The following KIAA1671 variants were observed in gnomAD, a reference collection of about 807,000 sequenced individuals.
KIAA1671 encodes KIAA1671.
Under a neutral mutation model 131.2 loss-of-function variants are expected in KIAA1671, and 52 were observed. The ratio of observed to expected loss-of-function variants is 0.40; its 90% CI spans 0.32 to 0.50. The LOEUF is 0.50. KIAA1671 is among the 20% of genes least tolerant of loss of function. The probability of loss-of-function intolerance (pLI) is 0.73; values close to 1 mark genes in which losing one functional copy is unlikely to be tolerated. For missense variants in KIAA1671, 2,360 were observed against 2,364.2 expected (o/e 1.00, Z 0.04); for synonymous variants, 1,003 against 961.6 (o/e 1.04, Z -0.80).
intron 1 of KIAA1671, among the ~76,000 whole-genome samples, chr22:24,973,334 C>T (rs1006125427): frequency 9.2e-5 from 14 of 151,610 alleles, no homozygotes; most frequent in African/African-American, 3.4e-4. Context: ...TCCCCATGAC[C>T]CGCCCATTCC....
chr22:24,961,418 T>C (rs1472846308), intron 1 of KIAA1671, among the ~76,000 whole-genome samples: 1 of 152,234 alleles, frequency 6.6e-6, no homozygotes, highest in East Asian at 1.9e-4. Flanking sequence ...GTGATCATAC[T>C]GTGTAACAAA....
chr22:25,078,466 C>T (rs1168452433), intron 6 of KIAA1671, among the ~76,000 whole-genome samples: 1 of 152,196 alleles, frequency 6.6e-6, no homozygotes, highest in Non-Finnish European at 1.5e-5. Flanking sequence ...GAGTTCGAGG[C>T]TGCAGTAAGC....
At chr22:24,990,956 C>T (rs990619597) in intron 1 of KIAA1671, among the ~76,000 whole-genome samples, 4 of 152,154 alleles carry the variant, frequency 2.6e-5, no homozygotes, top group African/African-American at 9.7e-5. Context: ...CCACCCCTGG[C>T]CCAGGGCTGG....
In KIAA1671 at chr22:25,028,623, C is replaced by T; in HGVS notation, c.624C>T (p.Pro208=). 1 of 1,551,138 alleles carries T rather than the reference C, an allele frequency of 6.4e-7. No individual in the cohort carries two copies. Among genetic ancestry groups the T allele is most frequent in the Non-Finnish European group, 8.7e-7 (1 of 1,146,960 alleles). ...CTCAGGACACAAAACCACCTGTACCCCAAGAGGAGGCAGGCCAAGACCATC... is the reference window on the plus strand; with the variant it reads ...CTCAGGACACAAAACCACCTGTACCTCAAGAGGAGGCAGGCCAAGACCATC... ...PLSQDTKPPV[P]QEEAGQDHPP... is the part of the protein sequence containing the mutation. Residue 208 remains proline, a synonymous_variant, in exon 3 of 13, where the codon CCC becomes CCT. Transcript: ENST00000358431.
intron 1 of KIAA1671, among the ~76,000 whole-genome samples, chr22:24,973,389 G>GTTTTTTTTT (rs57519039): frequency 2.8e-5 from 2 of 71,690 alleles, no homozygotes; most frequent in East Asian, 8.3e-4. Flanking sequence ...GCATATGATG[G>GTTTTTTTTT]TTTTTTTTTT....
chr22:25,113,692 A>T (rs1197304449), intron 6 of KIAA1671, among the ~76,000 whole-genome samples: 5 of 152,206 alleles, frequency 3.3e-5, no homozygotes, highest in African/African-American at 9.6e-5. Flanking sequence ...TGGGCATGAC[A>T]CGTGTCTCGT....
chr22:25,082,719 AGCTACTCAAGAG>A (rs1320178007), intron 6 of KIAA1671, among the ~76,000 whole-genome samples: 2 of 152,050 alleles, frequency 1.3e-5, no homozygotes, highest in Non-Finnish European at 2.9e-5. Context: ...TTCAAGTCTC[AGCTACTCAAGAG>A]GCTAGGCAGG....
At chr22:25,046,366 T>G (rs959083440) in intron 5 of KIAA1671, among the ~76,000 whole-genome samples, 1 of 114,182 alleles carries the variant, frequency 8.8e-6, no homozygotes, top group Non-Finnish European at 1.9e-5. Context: ...TTTCTTGATT[T>G]ACAGCCCAAA....
At chr22:25,111,482 G>A (rs1473770235) in intron 6 of KIAA1671, among the ~76,000 whole-genome samples, 1 of 152,336 alleles carries the variant, frequency 6.6e-6, no homozygotes, top group East Asian at 1.9e-4. Flanking sequence ...TCGCTAAGAC[G>A]GGGGCTGATG....
intron 6 of KIAA1671, among the ~76,000 whole-genome samples, chr22:25,117,088 A>G (rs902658823): frequency 3.9e-5 from 6 of 152,160 alleles, no homozygotes; most frequent in Non-Finnish European, 7.4e-5. Context: ...GTGACAACCA[A>G]AAATATCCAG....
chr22:24,957,327 C>T (rs1484934795), intron 1 of KIAA1671, among the ~76,000 whole-genome samples: 1 of 152,152 alleles, frequency 6.6e-6, no homozygotes, highest in African/African-American at 2.4e-5. Context: ...AACTGCATGC[C>T]AACTGATATA....
intron 6 of KIAA1671, among the ~76,000 whole-genome samples, chr22:25,090,920 G>T (rs1422255014): frequency 6.6e-6 from 1 of 152,154 alleles, no homozygotes; most frequent in East Asian, 1.9e-4. Flanking sequence ...TGGACTGCAG[G>T]CTCCACAAGG....
intron 1 of KIAA1671, among the ~76,000 whole-genome samples, chr22:24,963,041 T>A (rs1922094029): frequency 6.6e-6 from 1 of 151,920 alleles, no homozygotes; most frequent in Non-Finnish European, 1.5e-5. Flanking sequence ...TCCGCAGGGG[T>A]CACTGAGCTA....
intron 6 of KIAA1671, among the ~76,000 whole-genome samples, chr22:25,124,595 A>C (rs1355173901): frequency 6.6e-6 from 1 of 152,196 alleles, no homozygotes; most frequent in Non-Finnish European, 1.5e-5. Context: ...TTAATTCTGC[A>C]AGCCTCAGAT....
At chr22:25,173,333 A>G (rs920409621) in intron 7 of KIAA1671, among the ~76,000 whole-genome samples, 1 of 152,200 alleles carries the variant, frequency 6.6e-6, no homozygotes, top group Non-Finnish European at 1.5e-5. Flanking sequence ...TTATAGGCTA[A>G]TCCTCATAGG....
In KIAA1671 at chr22:25,193,925, A is replaced by G. The variant is rs1330164384; in HGVS notation, c.*1524A>G. ...AGTTTGTTTTCTCTTCATTCCCTGA[A>G]TTAGTCATCAGTTCTCCGTGGCCAT... On this transcript the variant is annotated 3_prime_UTR_variant, in exon 13 of 13. Transcript: ENST00000358431. 1 of 152,192 alleles carries G rather than the reference A, an allele frequency of 6.6e-6. No homozygotes were observed. The highest frequency in any genetic ancestry group is 1.5e-5 in the Non-Finnish European group (1 of 68,040). 9.4% of individuals were successfully genotyped at this position (152,192 alleles called of 1,614,324 possible). A position where few individuals can be genotyped will look rare whatever the true frequency, so the allele number is the denominator to read the frequency against.
intron 8 of KIAA1671, chr22:25,175,994 G>T (rs1298207296): frequency 6.6e-6 from 1 of 152,256 alleles, no homozygotes; most frequent in South Asian, 2.1e-4. Context: ...GGCGGAGGCG[G>T]AGCACTAAGG....
At chr22:25,011,290 G>C (rs1325714302) in intron 1 of KIAA1671, 1 of 152,330 alleles carries the variant, frequency 6.6e-6, no homozygotes, top group African/African-American at 2.4e-5. Flanking sequence ...TGGGATTACA[G>C]GCAAGCACCA....
At chr22:24,995,048 T>C (rs1028964539) in intron 1 of KIAA1671, among the ~76,000 whole-genome samples, 3 of 101,482 alleles carry the variant, frequency 3.0e-5, no homozygotes, top group African/African-American at 1.4e-4. Context: ...TATGTTAGGT[T>C]TTTTTTTTTT....
Sources: gnomAD v4.1 joint callset for allele counts (sites outside exome capture counted in the v4.1 genomes callset) on GRCh38, gnomAD v4.1.1 for gene constraint, MANE v1.5 for transcripts, NCBI Gene and HGNC (gene_info 2026-07-23, HGNC 2026-07-21) for gene names.